MAPK4: variants seen among roughly 807,000 people sequenced by gnomAD.
MAPK4 encodes the protein mitogen-activated protein kinase 4.
In MAPK4, 22 loss-of-function variants were observed where a neutral mutation model predicts 47.7. That is an observed-to-expected ratio of 0.46 (90% CI 0.33 to 0.66). The LOEUF is 0.66. Among genes scored for constraint, MAPK4 ranks in the 30% least tolerant of loss-of-function variants. MAPK4 has a pLI of 0.02. For synonymous variants in MAPK4, 390 were observed against 365.7 expected, an observed-to-expected ratio of 1.07 and a Z score of -0.76; for missense variants, 736 against 831.7, an observed-to-expected ratio of 0.88 and a Z score of 1.42.
chr18:50,701,276 C>G (rs1331512691), intron 2 of MAPK4, among the ~76,000 whole-genome samples: 2 of 151,614 alleles, frequency 1.3e-5, no homozygotes, highest in African/African-American at 4.9e-5. Context: ...AACCCCAAGG[C>G]CTCTCCTTTG....
chr18:50,594,912 A>G (rs1211756012), intron 1 of MAPK4, among the ~76,000 whole-genome samples: 1 of 152,250 alleles, frequency 6.6e-6, no homozygotes. Context: ...AAACATGGCA[A>G]AAGACTTGAA....
intron 1 of MAPK4, among the ~76,000 whole-genome samples, chr18:50,567,332 A>C (rs967574164): frequency 6.6e-6 from 1 of 152,212 alleles, no homozygotes; most frequent in Non-Finnish European, 1.5e-5. Context: ...TCATGTCTGC[A>C]TAATTCAATC....
chr18:50,571,250 A>G (rs1043907756), intron 1 of MAPK4, among the ~76,000 whole-genome samples: 6 of 152,344 alleles, frequency 3.9e-5, no homozygotes, highest in Admixed American at 2.0e-4. Flanking sequence ...GGACTATAGA[A>G]AAATTAGTCC....
chr18:50,731,367 A>G lies in MAPK4; in HGVS notation c.*1513A>G, dbSNP rs1294654800. ...GTGTTCAGCTCCTTCTCTTCCCCCAACACTCCCAAAGATACCCACAGGAAG... is the reference window on the plus strand; with the variant it reads ...GTGTTCAGCTCCTTCTCTTCCCCCAGCACTCCCAAAGATACCCACAGGAAG... On this transcript the variant is annotated 3_prime_UTR_variant, in exon 6 of 6. Transcript: ENST00000400384. 2 of 152,194 alleles carry G rather than the reference A, an allele frequency of 1.3e-5. No individual in the cohort carries two copies. The highest frequency in any genetic ancestry group is 1.5e-5 in the Non-Finnish European group (1 of 68,070). The allele number at this position is 152,194 out of a possible 1,614,324, so 9.4% of individuals were successfully genotyped here.
At chr18:50,572,102 A>T (rs896327712) in intron 1 of MAPK4, among the ~76,000 whole-genome samples, 4 of 152,194 alleles carry the variant, frequency 2.6e-5, no homozygotes, top group Admixed American at 2.0e-4. Context: ...AAAATGAAAA[A>T]TTTCTTATGA....
chr18:50,716,854 C>T (rs1166631509), intron 3 of MAPK4, among the ~76,000 whole-genome samples: 4 of 152,188 alleles, frequency 2.6e-5, no homozygotes, highest in Non-Finnish European at 2.9e-5. Context: ...ATCCTTTCTC[C>T]CATGCCCTGT....
At chr18:50,705,120 G>C (rs1909981703) in intron 2 of MAPK4, 1 of 223,798 alleles carries the variant, frequency 4.5e-6, no homozygotes, top group East Asian at 9.3e-5. Flanking sequence ...GGCTAGGCTT[G>C]AGCACAGACA....
chr18:50,708,347 G>C (rs534960107), intron 2 of MAPK4, among the ~76,000 whole-genome samples: 1 of 152,242 alleles, frequency 6.6e-6, no homozygotes, highest in African/African-American at 2.4e-5. Context: ...GTAACTCAAA[G>C]AATTAACCCC....
At chr18:50,641,397 A>G (rs982452227) in intron 1 of MAPK4, among the ~76,000 whole-genome samples, 16 of 147,062 alleles carry the variant, frequency 1.1e-4, no homozygotes, top group African/African-American at 2.2e-4. Context: ...TAGATACTTG[A>G]TTTGAACTTT....
intron 2 of MAPK4, among the ~76,000 whole-genome samples, chr18:50,712,138 C>G (rs994459047): frequency 3.9e-5 from 6 of 152,224 alleles, no homozygotes; most frequent in African/African-American, 7.2e-5. Context: ...AACAAATCCC[C>G]TTTAAGTGTC....
In MAPK4 at chr18:50,625,882, G is replaced by GCA. The variant is rs58870306; in HGVS notation, c.-870-37162_-870-37161dup. ...AGAAAAACCAATAGGGTGTGTGTAT[G>GCA]CACACACACACACACACACACACAC... On this transcript the variant is annotated intron_variant, in intron 1 of 5. Coordinates refer to ENST00000400384, the MANE Select transcript of MAPK4 (RefSeq NM_002747.4). Among the ~76,000 whole-genome samples the GCA allele has an allele frequency of 2.4e-3, 347 of 145,428 alleles. 1 individual carries two copies. In the East Asian group the frequency reaches 0.028, roughly 12 times the overall value.
At chr18:50,696,590 G>A (rs111588125) in intron 2 of MAPK4, among the ~76,000 whole-genome samples, 10 of 152,340 alleles carry the variant, frequency 6.6e-5, no homozygotes, top group Middle Eastern at 3.4e-3. Context: ...CACCCTGAAC[G>A]CAAACCCAGA....
At chr18:50,567,976 C>G (rs1488662908) in intron 1 of MAPK4, among the ~76,000 whole-genome samples, 1 of 152,040 alleles carries the variant, frequency 6.6e-6, no homozygotes, top group Non-Finnish European at 1.5e-5. Context: ...GCAGGCTGAT[C>G]ATGAGGTCAG....
chr18:50,561,714 G>A (rs764548033), intron 1 of MAPK4, among the ~76,000 whole-genome samples: 20 of 152,122 alleles, frequency 1.3e-4, no homozygotes, highest in Non-Finnish European at 2.6e-4. Context: ...CCGCTTGTGT[G>A]GTGTATGAAG....
intron 1 of MAPK4, among the ~76,000 whole-genome samples, chr18:50,606,513 G>A (rs79294666): frequency 2.5e-4 from 38 of 152,242 alleles, no homozygotes; most frequent in African/African-American, 8.9e-4. Context: ...GATGACTAAC[G>A]GTGGTCTTCA....
chr18:50,620,755 A>G (rs2042724836), intron 1 of MAPK4, among the ~76,000 whole-genome samples: 1 of 151,892 alleles, frequency 6.6e-6, no homozygotes, highest in South Asian at 2.1e-4. Flanking sequence ...AATTAAAAAT[A>G]TATATATATA....
chr18:50,585,547 A>C (rs535442156), intron 1 of MAPK4, among the ~76,000 whole-genome samples: 1 of 152,250 alleles, frequency 6.6e-6, no homozygotes, highest in African/African-American at 2.4e-5. Context: ...AGTCCCCCAT[A>C]ATGTGCAAAA....
At chr18:50,666,725 C>A (rs1215335637) in intron 2 of MAPK4, among the ~76,000 whole-genome samples, 1 of 152,076 alleles carries the variant, frequency 6.6e-6, no homozygotes, top group Non-Finnish European at 1.5e-5. Context: ...AGTTATGAGC[C>A]CAGTAGGTGC....
At chr18:50,582,126 A>G (rs769631675) in intron 1 of MAPK4, among the ~76,000 whole-genome samples, 15 of 152,118 alleles carry the variant, frequency 9.9e-5, no homozygotes, top group Non-Finnish European at 1.9e-4. Context: ...ACTTAAACAA[A>G]ATACTCTAGA....
Sources: gnomAD v4.1 joint callset for allele counts (sites outside exome capture counted in the v4.1 genomes callset) on GRCh38, gnomAD v4.1.1 for gene constraint, MANE v1.5 for transcripts, NCBI Gene and HGNC (gene_info 2026-07-23, HGNC 2026-07-21) for gene names.